ZGPAT: variants seen among roughly 807,000 people sequenced by gnomAD.
The protein encoded by ZGPAT is zinc finger CCCH-type with G patch domain-containing protein.
In ZGPAT, 39 loss-of-function variants were observed where a neutral mutation model predicts 47.9. That is an observed-to-expected ratio of 0.81 (90% CI 0.63 to 1.06). ZGPAT has a LOEUF of 1.06. Among genes scored for constraint, ZGPAT ranks in the 50% least tolerant of loss-of-function variants. ZGPAT has a pLI of 0.00. For synonymous variants in ZGPAT, 348 were observed against 292.9 expected (o/e 1.19, Z -1.92); for missense variants, 717 against 681.4 (o/e 1.05, Z -0.58).
At chr20:63,728,409 T>G (rs2091865294) in intron 2 of ZGPAT, among the ~76,000 whole-genome samples, 2 of 152,162 alleles carry the variant, frequency 1.3e-5, no homozygotes, top group Non-Finnish European at 2.9e-5. Context: ...CAGCCAGGGA[T>G]TTGGGCAAGA....
At position 63,732,963 on chromosome 20, in the gene ZGPAT, AGT is replaced by A. The variant is rs201524175; in HGVS notation, c.585-253_585-252del. On this transcript the variant is annotated intron_variant, in intron 2 of 6. Transcript: ENST00000355969. ...AAGTGTGTATATATGTGTATGTGTGAGTGTATGTGTGCATGTGTATCTGTATG... is the reference window on the plus strand; with the variant it reads ...AAGTGTGTATATATGTGTATGTGTGAGTATGTGTGCATGTGTATCTGTATG... Among the ~76,000 whole-genome samples, 66 of 141,378 alleles carry A rather than the reference AGT, an allele frequency of 4.7e-4. 1 individual carries two copies. In the East Asian group the frequency reaches 0.012, roughly 25 times the overall value. 92.7% of individuals were successfully genotyped at this position (141,378 alleles called of 152,430 possible). A position where few individuals can be genotyped will look rare whatever the true frequency, so the allele number is the denominator to read the frequency against.
chr20:63,733,129 C>T, intron 2 of ZGPAT, 90 bp from the exon 3 acceptor site: 10 of 1,537,264 alleles, frequency 6.5e-6, no homozygotes. Context: ...TCCCTCAGGA[C>T]AGTGCCCAGG....
chr20:63,735,613 G>A, intron 6 of ZGPAT, 49 bp downstream of exon 6: 2 of 1,500,988 alleles, frequency 1.3e-6, no homozygotes, highest in Non-Finnish European at 1.8e-6. Context: ...GGGTGGCCCT[G>A]CCCCCGGGAT....
chr20:63,727,669 CAAAAAAAAAAAA>C (rs746126031), intron 2 of ZGPAT, among the ~76,000 whole-genome samples: 1 of 45,894 alleles, frequency 2.2e-5, no homozygotes, highest in Non-Finnish European at 4.6e-5. Flanking sequence ...GACTCGGTCT[CAAAAAAAAAAAA>C]AAAAAAAAAG....
intron 2 of ZGPAT, among the ~76,000 whole-genome samples, chr20:63,712,091 T>C (rs908263938): frequency 1.3e-5 from 2 of 152,254 alleles, no homozygotes; most frequent in African/African-American, 4.8e-5. Context: ...TCCATAGTTA[T>C]GAGGATTTTC....
rs2145708240 is a variant in ZGPAT, at chr20:63,735,241, G to A, written c.1074G>A (p.Val358=). ...GAGGGAAGTCGCTGGACCAGTGTGT[G>A]GAGACCCTGCAGAAGCAGACCAGGG... ...LPRGKSLDQC[V]ETLQKQTRVG... Residue 358 remains valine (V), a synonymous_variant, in exon 6 of 7, where the codon GTG becomes GTA. Coordinates refer to ENST00000355969, the MANE Select transcript of ZGPAT (RefSeq NM_181485.3). 6.2e-7 allele frequency: 1 copy of A among 1,601,110 alleles called. No individual in the cohort carries two copies. Among genetic ancestry groups the A allele is most frequent in the African/African-American group, 1.3e-5 (1 of 74,548 alleles).
intron 2 of ZGPAT, among the ~76,000 whole-genome samples, chr20:63,710,645 T>G (rs1309516488): frequency 2.6e-5 from 4 of 152,200 alleles, no homozygotes; most frequent in Non-Finnish European, 5.9e-5. Context: ...CCTGGGCCAT[T>G]TTAAAGCAAA....
chr20:63,714,424 C>G (rs1208751071), intron 2 of ZGPAT, among the ~76,000 whole-genome samples: 1 of 27,546 alleles, frequency 3.6e-5, no homozygotes, highest in African/African-American at 2.6e-4. Flanking sequence ...AGAACCCTGT[C>G]TTTAAAAAAA....
In ZGPAT at chr20:63,735,147, G is replaced by A. The variant is rs1269002001; in HGVS notation, c.992-12G>A. 8 of 1,503,392 alleles carry A rather than the reference G, an allele frequency of 5.3e-6. No individual in the cohort carries two copies. The highest frequency in any genetic ancestry group is 1.4e-5 in the African/African-American group (1 of 71,422). The allele number at this position is 1,503,392 out of a possible 1,614,324, so 93.1% of individuals were successfully genotyped here. A position where few individuals can be genotyped will look rare whatever the true frequency, so the allele number is the denominator to read the frequency against. On this transcript the variant is annotated splice_polypyrimidine_tract_variant and intron_variant, in intron 5 of 6. Transcript: ENST00000355969. ...CCGCAGCCACAGCACTGCCATCCCC[G>A]TGCCTCCGCAGGTTTGGGCCGACAC...
intron 2 of ZGPAT, among the ~76,000 whole-genome samples, chr20:63,720,967 T>C (rs1298721): frequency 0.95 from 144,172 of 152,250 alleles, 68,302 homozygotes; most frequent in East Asian, 0.99. Context: ...TAAATAAAGA[T>C]TATATTCTGT....
chr20:63,736,088 A>G lies in ZGPAT; in HGVS notation c.*169A>G. The G allele has an allele frequency of 3.2e-6, 3 of 923,368 alleles. No individual in the cohort carries two copies. The highest frequency in any genetic ancestry group is 4.8e-6 in the Non-Finnish European group (3 of 618,958). The allele number at this position is 923,368 out of a possible 1,614,324, so 57.2% of individuals were successfully genotyped here. On this transcript the variant is annotated 3_prime_UTR_variant, in exon 7 of 7. Transcript: ENST00000355969. ...CTGGACACTTACTTGCCCACCTGCC[A>G]GTGTCTTGGGCATTTCCTTGGCAAG... is the stretch of plus-strand genomic sequence containing the variant.
intron 2 of ZGPAT, among the ~76,000 whole-genome samples, chr20:63,724,813 G>T (rs1386051282): frequency 6.7e-6 from 1 of 150,184 alleles, no homozygotes; most frequent in Non-Finnish European, 1.5e-5. Flanking sequence ...AGCTGAGACT[G>T]CAGGCACCTG....
chr20:63,732,517 G>GCA lies in ZGPAT; in HGVS notation c.585-702_585-701insCA, dbSNP rs1568799857. ...TGTGGGTGAGGGCACGTGTGCGCGC[G>GCA]TGTGGGTGAGATGGCGTGTGCGTAT... On this transcript the variant is annotated intron_variant, in intron 2 of 6. Transcript: ENST00000355969. Among the ~76,000 whole-genome samples the GCA allele has an allele frequency of 1.3e-4, 20 of 151,222 alleles. No individual in the cohort carries two copies. The East Asian group carries it at 3.5e-3, about 27-fold the overall frequency.
At chr20:63,733,069 TGCGTGAGTGTGTGA>T in intron 2 of ZGPAT, 136 bp from the exon 3 acceptor site, 1 of 974,142 alleles carries the variant, frequency 1.0e-6, no homozygotes, top group East Asian at 2.6e-5. Context: ...TGTATGTGTG[TGCGTGAGTGTGTGA>T]GAGTGTGTAT....
intron 2 of ZGPAT, 75 bp from the exon 3 acceptor site, chr20:63,733,144 T>A: frequency 6.4e-7 from 1 of 1,566,178 alleles, no homozygotes; most frequent in Non-Finnish European, 8.7e-7. Context: ...CCCAGGCGGA[T>A]GGGTCAGTGC....
chr20:63,729,568 C>A (rs1343185604), intron 2 of ZGPAT, among the ~76,000 whole-genome samples: 1 of 152,148 alleles, frequency 6.6e-6, no homozygotes, highest in East Asian at 1.9e-4. Context: ...GCTTCCTCTG[C>A]CACACGAGGC....
chr20:63,708,505 T>TG, intron 1 of ZGPAT, 48 bp from the exon 2 acceptor site: 13 of 1,379,826 alleles, frequency 9.4e-6, no homozygotes, highest in Non-Finnish European at 1.3e-5. Context: ...CCTCAGGCTG[T>TG]GGGGTCGGTC....
chr20:63,716,546 CTG>C (rs2091730700), intron 2 of ZGPAT, among the ~76,000 whole-genome samples: 1 of 151,168 alleles, frequency 6.6e-6, no homozygotes, highest in African/African-American at 2.4e-5. Flanking sequence ...TGGAGTCTCA[CTG>C]TGTCACCCAG....
At chr20:63,723,308 C>G (rs1431570679) in intron 2 of ZGPAT, among the ~76,000 whole-genome samples, 1 of 132,098 alleles carries the variant, frequency 7.6e-6, no homozygotes, top group Non-Finnish European at 1.6e-5. Flanking sequence ...TCTCCTATGA[C>G]ACAGCTCCAT....
Sources: gnomAD v4.1 joint callset for allele counts (sites outside exome capture counted in the v4.1 genomes callset) on GRCh38, gnomAD v4.1.1 for gene constraint, MANE v1.5 for transcripts, NCBI Gene and HGNC (gene_info 2026-07-23, HGNC 2026-07-21) for gene names.